COL6A6: variants seen among roughly 807,000 people sequenced by gnomAD.
COL6A6 encodes the protein collagen type VI alpha 6 chain.
In COL6A6, 183 loss-of-function variants were observed where a neutral mutation model predicts 208.6. That is an observed-to-expected ratio of 0.88 (90% confidence interval 0.78 to 0.99). COL6A6 has a LOEUF of 0.99. Among genes scored for constraint, COL6A6 ranks in the 50% least tolerant of loss-of-function variants. COL6A6 has a pLI of 0.00. For synonymous variants in COL6A6, 973 were observed against 1,011.8 expected (o/e 0.96, Z 0.73); for missense variants, 2,816 against 2,815.2 (o/e 1.00, Z -0.01).
chr3:130,599,861 T>C, intron 20 of COL6A6, 51 bp downstream of exon 20: 2 of 1,571,850 alleles, frequency 1.3e-6, no homozygotes, highest in Non-Finnish European at 1.7e-6. Context: ...GCTCATGTTG[T>C]GGTGAAAATG....
At position 130,574,224 on chromosome 3, in the gene COL6A6, A is replaced by C. The variant is rs2107955741; in HGVS notation, c.3246A>C (p.Ala1082=). ...TTGGAAACACACACATCGGTGCTGC[A>C]CTCAGGGAGGTGGAACATTACTTCA... is the stretch of plus-strand genomic sequence containing the variant. ...QIFGNTHIGA[A]LREVEHYFRP... is the part of the protein sequence containing the mutation. Residue 1082 remains alanine, a synonymous_variant, in exon 8 of 37, where the codon GCA becomes GCC. Coordinates refer to ENST00000358511, the MANE Select transcript of COL6A6 (RefSeq NM_001102608.3). The C allele has an allele frequency of 4.3e-6, 7 of 1,614,034 alleles. No individual in the cohort carries two copies. The South Asian group carries it at 7.7e-5, about 18-fold the overall frequency.
At chr3:130,620,547 G>A (rs1249589565) in intron 23 of COL6A6, among the ~76,000 whole-genome samples, 1 of 152,152 alleles carries the variant, frequency 6.6e-6, no homozygotes, top group Non-Finnish European at 1.5e-5. Context: ...AAAGTTAGAA[G>A]GGAATGGGTT....
At chr3:130,583,049 G>A (rs1212055815) in intron 10 of COL6A6, among the ~76,000 whole-genome samples, 1 of 152,164 alleles carries the variant, frequency 6.6e-6, no homozygotes, top group Non-Finnish European at 1.5e-5. Context: ...TTCTGAAAGT[G>A]CTTCCTCAAC....
Position 130,550,915 on chromosome 3 carries a change from A to C in COL6A6, c.-31-9419A>C, listed in dbSNP as rs570364059. 2.0e-5 allele frequency among the ~76,000 whole-genome samples: 3 copies of C among 152,330 alleles called. No individual in the cohort carries two copies. The South Asian group carries it at 6.2e-4, about 32-fold the overall frequency. ...AAAGCCTTTCTCCATCTATTGAGAT[A>C]ATCATGTGGTTTTTGTTTTTAGTTC... On this transcript the variant is annotated intron_variant, in intron 1 of 36. Transcript: ENST00000358511.
In COL6A6 at chr3:130,581,995, C is replaced by A; in HGVS notation, c.3897C>A (p.Val1299=). The A allele has an allele frequency of 5.0e-6, 8 of 1,608,112 alleles. No homozygotes were observed. The highest frequency in any genetic ancestry group is 3.3e-5 in the South Asian group (3 of 90,300). The part of the protein sequence containing the change: ...QNKSAARGKV[V]LLFSDGLDDD... Reference sequence around the variant, plus strand: ...TTTTTTGAATACTTTCTTAGGTGGTCCTTTTATTTTCAGATGGATTGGATG... The same window carrying A: ...TTTTTTGAATACTTTCTTAGGTGGTACTTTTATTTTCAGATGGATTGGATG... Residue 1299 remains valine, a synonymous_variant, in exon 10 of 37, where the codon GTC becomes GTA. Transcript: ENST00000358511.
At chr3:130,578,473 A>T (rs780548330) in intron 8 of COL6A6, among the ~76,000 whole-genome samples, 169 of 152,252 alleles carry the variant, frequency 1.1e-3, no homozygotes, top group Non-Finnish European at 2.0e-3. Context: ...GCGGGAAAGG[A>T]GGGGAAAGTA....
intron 21 of COL6A6, among the ~76,000 whole-genome samples, chr3:130,608,496 T>G (rs2064251869): frequency 6.6e-6 from 1 of 152,166 alleles, no homozygotes; most frequent in Middle Eastern, 3.4e-3. Flanking sequence ...CCCTAGATAT[T>G]TAATTGATTT....
intron 7 of COL6A6, among the ~76,000 whole-genome samples, chr3:130,572,974 GTTC>G (rs2063201513): frequency 6.6e-6 from 1 of 152,112 alleles, no homozygotes; most frequent in South Asian, 2.1e-4. Context: ...GGTCTCTCAT[GTTC>G]TTCTTGTTTT....
chr3:130,610,400 G>T (rs2064320324), intron 22 of COL6A6, among the ~76,000 whole-genome samples: 1 of 152,112 alleles, frequency 6.6e-6, no homozygotes, highest in South Asian at 2.1e-4. Context: ...CAACCATTCA[G>T]TATTTTTTTC....
chr3:130,545,587 G>T (rs937730120), intron 1 of COL6A6, among the ~76,000 whole-genome samples: 1 of 151,110 alleles, frequency 6.6e-6, no homozygotes, highest in Non-Finnish European at 1.5e-5. Context: ...CTGAGTAGCT[G>T]GGACTACAGA....
chr3:130,582,696 C>T (rs757125380), intron 10 of COL6A6, among the ~76,000 whole-genome samples: 16 of 152,094 alleles, frequency 1.1e-4, no homozygotes, highest in Non-Finnish European at 2.1e-4. Context: ...GAATAGAAGT[C>T]CTCTTCTGTA....
intron 33 of COL6A6, among the ~76,000 whole-genome samples, chr3:130,655,779 G>A (rs1365681471): frequency 6.6e-6 from 1 of 152,204 alleles, no homozygotes; most frequent in Non-Finnish European, 1.5e-5. Context: ...GGAAACCTCT[G>A]TGGCCAGTGG....
In COL6A6 at chr3:130,568,350, A is replaced by G. The variant is rs2063080352; in HGVS notation, c.2147A>G (p.Lys716Arg). ...GTGTCTCAGTACTTCAGCCCCACCAAGGGCGCCCGGCCCAACATCAGAAAG... is the reference window on the plus strand; with the variant it reads ...GTGTCTCAGTACTTCAGCCCCACCAGGGGCGCCCGGCCCAACATCAGAAAG... ...SFVSQYFSPT[K>R]GARPNIRKFL... The change falls in exon 6 of 37, where the codon AAG (lysine) becomes AGG (arginine). Residue 716 changes from lysine (K) to arginine (R), a missense_variant. Coordinates refer to ENST00000358511, the MANE Select transcript of COL6A6 (RefSeq NM_001102608.3). The G allele has an allele frequency of 6.2e-7, 1 of 1,613,990 alleles. No individual in the cohort carries two copies. The highest frequency in any genetic ancestry group is 2.2e-5 in the East Asian group (1 of 44,888).
At chr3:130,549,639 T>G (rs1343041258) in intron 1 of COL6A6, among the ~76,000 whole-genome samples, 2 of 152,196 alleles carry the variant, frequency 1.3e-5, no homozygotes, top group Non-Finnish European at 1.5e-5. Flanking sequence ...CAGCATTATT[T>G]AATAGGGAGT....
chr3:130,586,507 C>A lies in COL6A6; in HGVS notation c.3972C>A (p.Gly1324=). 6.2e-7 allele frequency: 1 copy of A among 1,611,864 alleles called. No homozygotes were observed. Among genetic ancestry groups the A allele is most frequent in the Non-Finnish European group, 8.5e-7 (1 of 1,179,156 alleles). The change falls in exon 11 of 37, where the codon GGC becomes GGA. Residue 1324 remains glycine, a splice_region_variant and synonymous_variant. Transcript: ENST00000358511. ...EQKSDELRKE[G]LNALITVALD... is the part of the protein sequence containing the mutation. ...AACATTGTAAACTGTGTTGGATAGG[C>A]CTGAATGCCCTCATAACTGTTGCTC...
In COL6A6 at chr3:130,635,751, G is replaced by C. The variant is rs2065094315; in HGVS notation, c.5081G>C (p.Arg1694Thr). 2 of 1,611,754 alleles carry C rather than the reference G, an allele frequency of 1.2e-6. No individual in the cohort carries two copies. The highest frequency in any genetic ancestry group is 1.7e-6 in the Non-Finnish European group (2 of 1,178,144). ...GGAGAGACTGGGCTGAAGGGAGCTA[G>C]AGGCAAAATGGTAAGCTTCTTAGAT... ...GPGETGLKGARGKMISAGLPG... is the reference protein window; with the variant it reads ...GPGETGLKGATGKMISAGLPG... The change falls in exon 28 of 37, where the codon AGA (arginine) becomes ACA (threonine). Residue 1694 changes from arginine to threonine, a missense_variant. Physicochemically the swap from Arg to Thr is moderately conservative, Grantham distance 71 (BLOSUM62 -1). Coordinates refer to ENST00000358511, the MANE Select transcript of COL6A6 (RefSeq NM_001102608.3).
At chr3:130,564,969 T>C in intron 3 of COL6A6, 25 bp from the exon 4 acceptor site, 1 of 1,603,262 alleles carries the variant, frequency 6.2e-7, no homozygotes, top group Non-Finnish European at 8.5e-7. Context: ...GCTAAAATTG[T>C]GCTTGTTTAT....
chr3:130,536,628 A>G (rs2062231670), intron 1 of COL6A6, among the ~76,000 whole-genome samples: 1 of 152,212 alleles, frequency 6.6e-6, no homozygotes, highest in Non-Finnish European at 1.5e-5. Flanking sequence ...AAACCAAAGT[A>G]GCAGAAACTG....
chr3:130,547,872 G>T (rs1390377593), intron 1 of COL6A6, among the ~76,000 whole-genome samples: 1 of 152,012 alleles, frequency 6.6e-6, no homozygotes, highest in Non-Finnish European at 1.5e-5. Context: ...GTCTCGGCTC[G>T]CTGCAACCTT....
Sources: gnomAD v4.1 joint callset for allele counts (sites outside exome capture counted in the v4.1 genomes callset) on GRCh38, gnomAD v4.1.1 for gene constraint, MANE v1.5 for transcripts, NCBI Gene and HGNC (gene_info 2026-07-23, HGNC 2026-07-21) for gene names.